The following ABCB1 variants were observed in gnomAD, a reference collection of about 807,000 sequenced individuals.
ABCB1 encodes ATP-dependent translocase ABCB1.
In ABCB1, 69 loss-of-function variants were observed where a neutral mutation model predicts 142.0. The observed-to-expected ratio is 0.49, with a 90% CI of 0.40 to 0.59. ABCB1 has a LOEUF of 0.59. ABCB1 is among the 20% of genes least tolerant of loss of function. The pLI is 0.00. For synonymous variants in ABCB1, 532 were observed against 539.2 expected (o/e 0.99, Z 0.18); for missense variants, 1,326 against 1,554.7 (o/e 0.85, Z 2.47).
chr7:87,561,241 C>T, intron 8 of ABCB1, 22 bp downstream of exon 8: 1 of 1,612,804 alleles, frequency 6.2e-7, no homozygotes, highest in South Asian at 1.1e-5. Context: ...CATATCTATC[C>T]ATTTAAAAAA....
chr7:87,588,196 T>C (rs1334632279), intron 3 of ABCB1, among the ~76,000 whole-genome samples: 1 of 152,188 alleles, frequency 6.6e-6, no homozygotes, highest in African/African-American at 2.4e-5. Flanking sequence ...ATTTTAACTT[T>C]TAAGTTCATG....
At chr7:87,528,848 G>A (rs1244477435) in intron 21 of ABCB1, among the ~76,000 whole-genome samples, 2 of 152,178 alleles carry the variant, frequency 1.3e-5, no homozygotes, top group African/African-American at 2.4e-5. Flanking sequence ...TATGAATAAC[G>A]TAAAGTCAGC....
At chr7:87,673,057 G>A (rs1233557300) in intron 1 of ABCB1, among the ~76,000 whole-genome samples, 1 of 152,182 alleles carries the variant, frequency 6.6e-6, no homozygotes. Flanking sequence ...AACTCTTCTG[G>A]TTTGTAGGCT....
At chr7:87,551,947 T>C (rs2129721170) in intron 9 of ABCB1, among the ~76,000 whole-genome samples, 1 of 152,318 alleles carries the variant, frequency 6.6e-6, no homozygotes. Context: ...TAGTTATATG[T>C]TGTTAGGCCA....
chr7:87,643,433 A>G (rs1261371634), intron 1 of ABCB1, among the ~76,000 whole-genome samples: 1 of 152,160 alleles, frequency 6.6e-6, no homozygotes, highest in Non-Finnish European at 1.5e-5. Context: ...TGTGAAAGGT[A>G]TTTTTTCTCA....
At chr7:87,619,821 G>A (rs992063202) in intron 1 of ABCB1, among the ~76,000 whole-genome samples, 3 of 151,664 alleles carry the variant, frequency 2.0e-5, no homozygotes, top group Admixed American at 6.6e-5. Context: ...AATCATTAAT[G>A]CCATTGTCAT....
At chr7:87,668,968 A>G (rs939750572) in intron 1 of ABCB1, among the ~76,000 whole-genome samples, 1 of 152,026 alleles carries the variant, frequency 6.6e-6, no homozygotes, top group Non-Finnish European at 1.5e-5. Context: ...TTTGGTGGAG[A>G]GTTCTATAGA....
rs745613481 is a variant in ABCB1, at chr7:87,509,298, C to G, written c.3466G>C (p.Ala1156Pro). 1 of 1,614,184 alleles carries G rather than the reference C, an allele frequency of 6.2e-7. No individual in the cohort carries two copies. Among genetic ancestry groups the G allele is most frequent in the Non-Finnish European group, 8.5e-7 (1 of 1,180,038 alleles). Residue 1156 changes from alanine (A) to proline (P), a missense_variant, in exon 26 of 28, where the codon GCC becomes CCC. Transcript: ENST00000622132. ...ACATTAGGCAGTGACTCGATGAAGG[C>G]ATGTATGTTGGCCTCCTTTGCTGCC... ...VRAAKEANIHAFIESLPNKYS... is the reference protein window; with the variant it reads ...VRAAKEANIHPFIESLPNKYS...
At chr7:87,697,086 A>G (rs1199020027) in intron 1 of ABCB1, among the ~76,000 whole-genome samples, 3 of 152,194 alleles carry the variant, frequency 2.0e-5, no homozygotes, top group East Asian at 3.8e-4. Flanking sequence ...AAATAACATT[A>G]CAGAAAAGCA....
chr7:87,594,919 A>T (rs1259500336), intron 3 of ABCB1, among the ~76,000 whole-genome samples: 1 of 152,210 alleles, frequency 6.6e-6, no homozygotes, highest in Non-Finnish European at 1.5e-5. Flanking sequence ...TGAATTATAA[A>T]GCATGTGCTG....
chr7:87,710,549 ATTCT>A, intron 1 of ABCB1: 1 of 1,421,652 alleles, frequency 7.0e-7, no homozygotes, highest in Non-Finnish European at 9.7e-7. Flanking sequence ...TTTATATTTG[ATTCT>A]TTCTTCTTCC....
chr7:87,558,948 T>G (rs1212248620), intron 8 of ABCB1, among the ~76,000 whole-genome samples: 4 of 152,152 alleles, frequency 2.6e-5, no homozygotes, highest in Non-Finnish European at 5.9e-5. Flanking sequence ...CAATTTGGTA[T>G]TTTTCACATG....
chr7:87,519,575 G>A (rs946737704), intron 22 of ABCB1, 109 bp from the exon 23 acceptor site: 13 of 1,341,816 alleles, frequency 9.7e-6, no homozygotes, highest in South Asian at 9.6e-5. Flanking sequence ...ACAAAAATGG[G>A]TTTCGTTTCC....
At chr7:87,600,397 G>T (rs1049561121) in intron 1 of ABCB1, among the ~76,000 whole-genome samples, 4 of 152,198 alleles carry the variant, frequency 2.6e-5, no homozygotes, top group Admixed American at 2.6e-4. Context: ...AGAGTTGGGG[G>T]TCTGGCAGCG....
chr7:87,705,780 A>G (rs1263748054), intron 1 of ABCB1, among the ~76,000 whole-genome samples: 1 of 152,176 alleles, frequency 6.6e-6, no homozygotes, highest in East Asian at 1.9e-4. Flanking sequence ...ATATGCTCTT[A>G]TAAACATATT....
intron 20 of ABCB1, among the ~76,000 whole-genome samples, chr7:87,535,741 T>C (rs1044731670): frequency 1.3e-5 from 2 of 152,174 alleles, no homozygotes; most frequent in African/African-American, 2.4e-5. Context: ...GTTAGTATAG[T>C]ACTAACTTAC....
At chr7:87,647,899 G>T (rs1220509748) in intron 1 of ABCB1, among the ~76,000 whole-genome samples, 1 of 152,046 alleles carries the variant, frequency 6.6e-6, no homozygotes, top group Non-Finnish European at 1.5e-5. Context: ...AATGGAAAAT[G>T]ATAGGCCAGG....
chr7:87,521,834 T>C, intron 21 of ABCB1: 1 of 775,466 alleles, frequency 1.3e-6, no homozygotes, highest in Non-Finnish European at 2.3e-6. Context: ...GGAGATTATT[T>C]TGAATAGTAT....
intron 21 of ABCB1, 74 bp from the exon 22 acceptor site, chr7:87,520,950 G>C: frequency 1.8e-6 from 2 of 1,099,526 alleles, no homozygotes; most frequent in Non-Finnish European, 2.8e-6. Context: ...CTATAAAACA[G>C]ACTAATGAAA....
Sources: allele counts gnomAD v4.1 joint callset (sites outside exome capture counted in the v4.1 genomes callset), GRCh38; gene constraint gnomAD v4.1.1; transcripts MANE v1.5; gene names NCBI Gene and HGNC (gene_info 2026-07-23, HGNC 2026-07-21).